Variants in UGT2A3 observed in about 807,000 individuals in gnomAD.
The protein encoded by UGT2A3 is UDP-glucuronosyltransferase 2A3.
UGT2A3 carries 55 observed loss-of-function variants against 44.1 expected under a neutral mutation model. That is an observed-to-expected ratio of 1.25 (90% confidence interval 1.00 to 1.56). UGT2A3 has a LOEUF of 1.56. Among genes scored for constraint, UGT2A3 ranks in the 40% most tolerant of loss-of-function variants. UGT2A3 has a pLI of 0.00. For synonymous variants in UGT2A3, 243 were observed against 215.1 expected (o/e 1.13, Z -1.13); for missense variants, 733 against 621.6 (o/e 1.18, Z -1.91).
intron 4 of UGT2A3, 107 bp downstream of exon 4, chr4:68,931,047 GT>G (rs1429766351): frequency 1.1e-6 from 1 of 903,636 alleles, no homozygotes; most frequent in African/African-American, 1.7e-5. Flanking sequence ...AAAAGAGTAA[GT>G]AAAATAAAGT....
At chr4:68,934,676 A>G (rs1280248211) in intron 2 of UGT2A3, among the ~76,000 whole-genome samples, 3 of 151,958 alleles carry the variant, frequency 2.0e-5, no homozygotes, top group Non-Finnish European at 4.4e-5. Context: ...GATTGAGAAT[A>G]GCTTAGTAAG....
At chr4:68,941,393 G>T (rs1214036677) in intron 2 of UGT2A3, among the ~76,000 whole-genome samples, 1 of 151,852 alleles carries the variant, frequency 6.6e-6, no homozygotes, top group East Asian at 1.9e-4. Flanking sequence ...ATAGAAAAAA[G>T]GCAACCTCTT....
intron 1 of UGT2A3, among the ~76,000 whole-genome samples, chr4:68,948,741 T>G (rs1254629483): frequency 1.3e-5 from 2 of 151,930 alleles, no homozygotes; most frequent in Non-Finnish European, 2.9e-5. Flanking sequence ...ACTTTTCCTT[T>G]GCACTCACAT....
At chr4:68,950,695 T>C (rs1347848327) in intron 1 of UGT2A3, among the ~76,000 whole-genome samples, 1 of 151,870 alleles carries the variant, frequency 6.6e-6, no homozygotes, top group Non-Finnish European at 1.5e-5. Flanking sequence ...TTTTCTTAAA[T>C]ACATGATGAG....
At chr4:68,941,064 A>G (rs1718169991) in intron 2 of UGT2A3, among the ~76,000 whole-genome samples, 1 of 151,646 alleles carries the variant, frequency 6.6e-6, no homozygotes, top group South Asian at 2.1e-4. Context: ...TTTTTACTCT[A>G]TTAGTTCCCA....
rs1010652266 is a variant in UGT2A3, at chr4:68,935,360, T to A, written c.865-2601A>T. Among the ~76,000 whole-genome samples the A allele has an allele frequency of 2.7e-5, 4 of 147,388 alleles. No homozygotes were observed. In the South Asian group the frequency reaches 8.6e-4, roughly 32 times the overall value. On this transcript the variant is annotated intron_variant, in intron 2 of 5. Transcript: ENST00000251566. ...CCAGAGGAAGAATCCAGCAGCAATA[T>A]TTGCTGTTCTGCAGTATTTGCTGTT...
chr4:68,945,300 T>A lies in UGT2A3; in HGVS notation c.864+6A>T, dbSNP rs751297109. The A allele has an allele frequency of 6.2e-7, 1 of 1,610,786 alleles. No individual in the cohort carries two copies. On this transcript the variant is annotated splice_donor_region_variant and intron_variant, in intron 2 of 5. Coordinates refer to ENST00000251566, the MANE Select transcript of UGT2A3 (RefSeq NM_024743.4). ...TACATAATATTCCTTAATACAATAG[T>A]CCTACCTTAGGCAAAGCTTTGGCAG...
chr4:68,931,815 C>CT (rs971333423), intron 3 of UGT2A3, among the ~76,000 whole-genome samples: 15 of 150,566 alleles, frequency 1.0e-4, no homozygotes, highest in Admixed American at 2.0e-4. Flanking sequence ...GAGATTGTAC[C>CT]TTTTTTTTAC....
chr4:68,930,257 T>C (rs1717680795), intron 5 of UGT2A3, among the ~76,000 whole-genome samples, 165 bp from the exon 6 acceptor site: 1 of 152,046 alleles, frequency 6.6e-6, no homozygotes, highest in African/African-American at 2.4e-5. Flanking sequence ...ATTAAACAGA[T>C]ATAGTGGAGA....
intron 2 of UGT2A3, chr4:68,943,373 A>G: frequency 8.1e-7 from 1 of 1,239,450 alleles, no homozygotes; most frequent in South Asian, 1.4e-5. Context: ...TTCTGGTATA[A>G]CTTTCCTGGT....
chr4:68,929,736 G>T lies in UGT2A3; in HGVS notation c.*77C>A. On this transcript the variant is annotated 3_prime_UTR_variant, in exon 6 of 6. Transcript: ENST00000251566. ...TAACAGAATAGATAATATGAAAATA[G>T]CAAGGTTTTCACCAAATTCTATGTG... is the stretch of plus-strand genomic sequence containing the variant. 7.8e-7 allele frequency: 1 copy of T among 1,288,378 alleles called. No individual in the cohort carries two copies. The highest frequency in any genetic ancestry group is 1.1e-6 in the Non-Finnish European group (1 of 931,964). The allele number at this position is 1,288,378 out of a possible 1,614,324, so 79.8% of individuals were successfully genotyped here. A position where few individuals can be genotyped will look rare whatever the true frequency, so the allele number is the denominator to read the frequency against.
intron 2 of UGT2A3, among the ~76,000 whole-genome samples, chr4:68,942,257 T>C (rs773642100): frequency 6.0e-5 from 9 of 150,910 alleles, no homozygotes; most frequent in Admixed American, 6.7e-5. Flanking sequence ...AAAGAAAATA[T>C]GGAAAAAATA....
intron 2 of UGT2A3, chr4:68,943,495 A>G (rs1718271145): frequency 3.2e-6 from 1 of 309,078 alleles, no homozygotes; most frequent in Non-Finnish European, 5.5e-6. Context: ...CCTTCCTTAT[A>G]GGATTTTGAT....
intron 5 of UGT2A3, 70 bp downstream of exon 5, chr4:68,930,476 T>A: frequency 7.3e-7 from 1 of 1,369,116 alleles, no homozygotes; most frequent in Non-Finnish European, 9.9e-7. Context: ...CAGGATGATA[T>A]TTAACATTTT....
intron 2 of UGT2A3, among the ~76,000 whole-genome samples, chr4:68,942,663 G>T (rs1423177162): frequency 1.3e-5 from 2 of 150,978 alleles, no homozygotes; most frequent in East Asian, 3.9e-4. Context: ...AAATAATCCA[G>T]GCAGAGATAG....
chr4:68,950,889 T>A (rs2109799591), intron 1 of UGT2A3, among the ~76,000 whole-genome samples, 157 bp downstream of exon 1: 1 of 152,018 alleles, frequency 6.6e-6, no homozygotes, highest in South Asian at 2.1e-4. Flanking sequence ...TAGGTTATCT[T>A]ACGCTTAGAA....
chr4:68,930,510 A>G (rs1158946680), intron 5 of UGT2A3, 36 bp downstream of exon 5: 1 of 1,512,890 alleles, frequency 6.6e-7, no homozygotes, highest in African/African-American at 1.4e-5. Context: ...TAACATAGTC[A>G]ATGTTAGATC....
chr4:68,950,346 A>G (rs1379813), intron 1 of UGT2A3, among the ~76,000 whole-genome samples: 110,705 of 151,780 alleles, frequency 0.73, 42,012 homozygotes, highest in Non-Finnish European at 0.86. Context: ...TTTAGTGTCG[A>G]ATATAATTGT....
chr4:68,935,327 A>C (rs2109781485), intron 2 of UGT2A3, among the ~76,000 whole-genome samples: 1 of 129,160 alleles, frequency 7.7e-6, no homozygotes, highest in East Asian at 2.3e-4. Context: ...TGCATAATAT[A>C]TTTGCTTCCA....
Sources: allele counts gnomAD v4.1 joint callset (sites outside exome capture counted in the v4.1 genomes callset), GRCh38; gene constraint gnomAD v4.1.1; transcripts MANE v1.5; gene names NCBI Gene and HGNC (gene_info 2026-07-23, HGNC 2026-07-21).